The following NRG1 variants were observed in gnomAD, a reference collection of about 807,000 sequenced individuals.
NRG1 encodes pro-neuregulin-1, membrane-bound isoform.
NRG1 carries 18 observed loss-of-function variants against 63.8 expected under a neutral mutation model. That is an observed-to-expected ratio of 0.28 (90% CI 0.19 to 0.42). The LOEUF (loss-of-function observed/expected upper bound fraction) is 0.42. NRG1 is among the 10% of genes least tolerant of loss of function. The pLI is 1.00. For missense variants in NRG1, 762 were observed against 814.7 expected (o/e 0.94, Z 0.79); for synonymous variants, 302 against 301.3 (o/e 1.00, Z -0.02).
chr8:32,468,422 A>T lies in NRG1; in HGVS notation c.38-127406A>T, dbSNP rs576204704. On this transcript the variant is annotated intron_variant, in intron 1 of 10. Coordinates refer to the NRG1 transcript ENST00000519301. ...AAACAAAAGGGCCCTATAAATAGTT[A>T]CTTCAAACCCTTTAATTTATAGCTG... is the stretch of plus-strand genomic sequence containing the variant. Among the ~76,000 whole-genome samples, 7 of 152,288 alleles carry T rather than the reference A, an allele frequency of 4.6e-5. No individual in the cohort carries two copies. The South Asian group carries it at 1.0e-3, about 23-fold the overall frequency.
chr8:32,488,720 T>C (rs1426049538), intron 1 of NRG1, among the ~76,000 whole-genome samples: 1 of 152,168 alleles, frequency 6.6e-6, no homozygotes, highest in Admixed American at 6.5e-5. Flanking sequence ...CTTAACTCCA[T>C]GATCTATGGA....
intron 5 of NRG1, among the ~76,000 whole-genome samples, chr8:32,672,266 G>A (rs1050824462): frequency 2.6e-5 from 4 of 152,134 alleles, no homozygotes; most frequent in East Asian, 1.9e-4. Context: ...GGCTGGTCTC[G>A]AACTCCTGAC....
At chr8:31,905,024 T>A (rs1832406633) in intron 1 of NRG1, among the ~76,000 whole-genome samples, 1 of 142,192 alleles carries the variant, frequency 7.0e-6, no homozygotes, top group African/African-American at 2.9e-5. Flanking sequence ...AAAATAAAGT[T>A]TTTTTAAAAA....
chr8:31,679,054 T>A (rs1422398157), intron 1 of NRG1, among the ~76,000 whole-genome samples: 21 of 152,046 alleles, frequency 1.4e-4, no homozygotes, highest in Non-Finnish European at 2.9e-5. Flanking sequence ...TTTTAAAATT[T>A]GTTGCAGTAC....
chr8:31,703,157 C>T (rs1040450974), intron 1 of NRG1, among the ~76,000 whole-genome samples: 1 of 149,640 alleles, frequency 6.7e-6, no homozygotes, highest in East Asian at 2.0e-4. Context: ...TTAGTTAAGA[C>T]GAAAGGGTAT....
intron 1 of NRG1, among the ~76,000 whole-genome samples, chr8:32,084,017 T>C (rs963326652): frequency 6.6e-6 from 1 of 152,192 alleles, no homozygotes; most frequent in East Asian, 1.9e-4. Flanking sequence ...CTTACATCCC[T>C]CTTTTAGAGT....
intron 1 of NRG1, among the ~76,000 whole-genome samples, chr8:32,410,048 C>T (rs988988737): frequency 1.3e-5 from 2 of 152,038 alleles, no homozygotes; most frequent in Admixed American, 6.6e-5. Flanking sequence ...CTTCAGTTAT[C>T]CCACCAACAA....
intron 1 of NRG1, among the ~76,000 whole-genome samples, chr8:32,005,728 C>T (rs773399490): frequency 6.6e-6 from 1 of 151,944 alleles, no homozygotes; most frequent in East Asian, 1.9e-4. Flanking sequence ...ACAAAACGTT[C>T]AGCGAGGTGA....
chr8:32,387,061 T>A (rs1811111563), intron 1 of NRG1, among the ~76,000 whole-genome samples: 1 of 152,176 alleles, frequency 6.6e-6, no homozygotes, highest in Non-Finnish European at 1.5e-5. Flanking sequence ...TCACTAAAAG[T>A]TAGTAGACTT....
intron 1 of NRG1, among the ~76,000 whole-genome samples, chr8:32,202,504 A>T (rs1054310279): frequency 1.8e-4 from 27 of 152,150 alleles, no homozygotes; most frequent in African/African-American, 6.0e-4. Context: ...TAAACAGCTC[A>T]GTGAAAAGTC....
At chr8:31,670,619 A>G (rs1807031429) in intron 1 of NRG1, among the ~76,000 whole-genome samples, 1 of 151,998 alleles carries the variant, frequency 6.6e-6, no homozygotes, top group South Asian at 2.1e-4. Context: ...TGATCAGAGA[A>G]AGGGATCATA....
At chr8:32,032,513 G>C (rs1818420316) in intron 1 of NRG1, among the ~76,000 whole-genome samples, 1 of 152,160 alleles carries the variant, frequency 6.6e-6, no homozygotes, top group African/African-American at 2.4e-5. Context: ...TGATCCACCT[G>C]CCTCAGCCTC....
At chr8:31,647,692 C>G (rs865901552) in intron 1 of NRG1, among the ~76,000 whole-genome samples, 3 of 152,194 alleles carry the variant, frequency 2.0e-5, no homozygotes, top group Non-Finnish European at 4.4e-5. Flanking sequence ...CAAAGGGCCA[C>G]AGCATTGAGA....
intron 1 of NRG1, among the ~76,000 whole-genome samples, chr8:31,706,583 G>C (rs150229321): frequency 1.9e-4 from 29 of 152,230 alleles, no homozygotes; most frequent in Admixed American, 1.7e-3. Flanking sequence ...TGCTAGGTTA[G>C]AGTACAAGTT....
At chr8:32,552,680 A>G (rs544294595) in intron 1 of NRG1, among the ~76,000 whole-genome samples, 29 of 152,342 alleles carry the variant, frequency 1.9e-4, no homozygotes, top group African/African-American at 5.5e-4. Context: ...TGTAATTATT[A>G]AAAACATTAA....
intron 4 of NRG1, among the ~76,000 whole-genome samples, chr8:32,616,141 G>A (rs566040017): frequency 2.6e-5 from 4 of 151,668 alleles, no homozygotes; most frequent in Non-Finnish European, 4.4e-5. Context: ...AAACCCATCC[G>A]TTCCATGCTT....
At chr8:32,487,684 G>A (rs1365483345) in intron 1 of NRG1, among the ~76,000 whole-genome samples, 3 of 152,160 alleles carry the variant, frequency 2.0e-5, no homozygotes, top group East Asian at 1.9e-4. Context: ...AGCATTTGGT[G>A]CCACTGAACT....
intron 7 of NRG1, among the ~76,000 whole-genome samples, chr8:32,753,605 G>A (rs1829129287): frequency 6.6e-6 from 1 of 152,138 alleles, no homozygotes; most frequent in Admixed American, 6.5e-5. Context: ...AGTTAGAATT[G>A]TCTTCCAAAG....
chr8:32,500,076 A>T lies in NRG1; in HGVS notation c.38-95752A>T, dbSNP rs1827680904. Among the ~76,000 whole-genome samples the T allele has an allele frequency of 1.3e-5, 2 of 152,338 alleles. 1 individual carries two copies. Among genetic ancestry groups the T allele is most frequent in the Middle Eastern group, 6.8e-3 (2 of 294 alleles). ...TACAATCACCCCCAATGTGATCAAA[A>T]ACAATCAAAGTATGTCTGCTTGTGT... On this transcript the variant is annotated intron_variant, in intron 1 of 10. Transcript: ENST00000519301.
Sources: allele counts gnomAD v4.1 joint callset (sites outside exome capture counted in the v4.1 genomes callset), GRCh38; gene constraint gnomAD v4.1.1; transcripts MANE v1.5; gene names NCBI Gene and HGNC (gene_info 2026-07-23, HGNC 2026-07-21).